The following RFT1 variants were observed in gnomAD, a reference collection of about 807,000 sequenced individuals.
The protein encoded by RFT1 is man(5)GlcNAc(2)-PP-dolichol translocation protein RFT1.
Under a neutral mutation model 62.2 loss-of-function variants are expected in RFT1, and 43 were observed. The observed-to-expected ratio is 0.69, with a 90% confidence interval of 0.54 to 0.89. The LOEUF is 0.89. Among genes scored for constraint, RFT1 ranks in the 40% least tolerant of loss-of-function variants. The probability of loss-of-function intolerance (pLI) is 0.00; values close to 1 mark genes in which losing one functional copy is unlikely to be tolerated. For missense variants in RFT1, 605 were observed against 649.9 expected (o/e 0.93, Z 0.75); for synonymous variants, 262 against 264.6 (o/e 0.99, Z 0.10).
Position 53,126,008 on chromosome 3 carries a change from G to A in RFT1, c.64-14C>T, listed in dbSNP as rs78419624. Reference sequence around the variant, plus strand: ...CCGAAACAACACCTATAGAAAAAGAGGAAAAATACGTAAGAATAAATGACG... The same window carrying A: ...CCGAAACAACACCTATAGAAAAAGAAGAAAAATACGTAAGAATAAATGACG... On this transcript the variant is annotated splice_polypyrimidine_tract_variant and intron_variant, in intron 1 of 12. Coordinates refer to ENST00000296292, the MANE Select transcript of RFT1 (RefSeq NM_052859.4). The A allele has an allele frequency of 2.9e-3, 4,610 of 1,586,688 alleles. 121 individuals carry two copies. The African/African-American group carries it at 0.056, about 19-fold the overall frequency.
At chr3:53,120,539 G>C (rs1276829226) in intron 5 of RFT1, among the ~76,000 whole-genome samples, 2 of 152,212 alleles carry the variant, frequency 1.3e-5, no homozygotes, top group Admixed American at 6.5e-5. Flanking sequence ...ACTACAGATA[G>C]GGGAAGAAAG....
chr3:53,115,109 T>C (rs1701755887), intron 6 of RFT1, among the ~76,000 whole-genome samples: 2 of 152,168 alleles, frequency 1.3e-5, no homozygotes, highest in Non-Finnish European at 1.5e-5. Context: ...ACCTGGACAA[T>C]TGCCACAGGC....
intron 10 of RFT1, 103 bp downstream of exon 10, chr3:53,103,850 A>G (rs1185897894): frequency 4.9e-6 from 7 of 1,432,258 alleles, no homozygotes; most frequent in East Asian, 4.6e-5. Context: ...TTTTCCCTAC[A>G]CTGACACAGA....
chr3:53,072,832 G>A, the RFT1 span, among the ~76,000 whole-genome samples: 23 of 152,350 alleles, frequency 1.5e-4, no homozygotes, highest in South Asian at 1.0e-3. Context: ...ACACAGGAGG[G>A]TCCTGCCCTC....
intron 1 of RFT1, 56 bp from the exon 2 acceptor site, chr3:53,126,050 A>G: frequency 7.4e-7 from 1 of 1,357,316 alleles, no homozygotes; most frequent in African/African-American, 1.4e-5. Context: ...GTGTTTACTT[A>G]GCTGAAATGA....
intron 12 of RFT1, 114 bp from the exon 13 acceptor site, chr3:53,092,184 C>T: frequency 7.1e-7 from 1 of 1,416,194 alleles, no homozygotes; most frequent in Non-Finnish European, 9.8e-7. Context: ...AAAGGCATAA[C>T]AGCCATACTG....
intron 3 of RFT1, among the ~76,000 whole-genome samples, 174 bp from the exon 4 acceptor site, chr3:53,122,737 T>C (rs1319832975): frequency 2.0e-5 from 3 of 152,098 alleles, no homozygotes; most frequent in African/African-American, 4.8e-5. Flanking sequence ...CACTGACACC[T>C]CACAATGATC....
intron 1 of RFT1, 81 bp downstream of exon 1, chr3:53,130,257 G>T: frequency 7.1e-7 from 1 of 1,405,086 alleles, no homozygotes; most frequent in Non-Finnish European, 9.9e-7. Context: ...CGGCCCTGGG[G>T]CAGGCTCTCA....
intron 9 of RFT1, among the ~76,000 whole-genome samples, chr3:53,105,275 G>C (rs1467516534): frequency 6.6e-6 from 1 of 152,246 alleles, no homozygotes; most frequent in African/African-American, 2.4e-5. Context: ...TTAGCTGGGT[G>C]TGGTGGCGCA....
In RFT1 at chr3:53,094,351, G is replaced by GCACA. The variant is rs55637878; in HGVS notation, c.1209-1737_1209-1734dup. Among the ~76,000 whole-genome samples, 121 of 149,914 alleles carry GCACA rather than the reference G, an allele frequency of 8.1e-4. 1 individual carries two copies. Among genetic ancestry groups the GCACA allele is most frequent in the African/African-American group, 2.4e-3 (100 of 40,838 alleles). On this transcript the variant is annotated intron_variant, in intron 11 of 12. Coordinates refer to ENST00000296292, the MANE Select transcript of RFT1 (RefSeq NM_052859.4). ...AAAGTGGGTGGTAAAAATACTACACGCACACACACACACACACACACACAC... is the reference window on the plus strand; with the variant it reads ...AAAGTGGGTGGTAAAAATACTACACGCACACACACACACACACACACACACACAC...
chr3:53,073,361 C>T, the RFT1 span, among the ~76,000 whole-genome samples: 1 of 152,202 alleles, frequency 6.6e-6, no homozygotes, highest in African/African-American at 2.4e-5. Context: ...TCTGGACACC[C>T]CCACCTGTGC....
intron 10 of RFT1, among the ~76,000 whole-genome samples, chr3:53,099,707 C>A (rs1190764713): frequency 1.3e-5 from 2 of 152,202 alleles, no homozygotes; most frequent in Non-Finnish European, 2.9e-5. Context: ...AAATGACAGG[C>A]TGGGCACGGT....
At chr3:53,105,437 A>C (rs1701441118) in intron 9 of RFT1, among the ~76,000 whole-genome samples, 1 of 143,856 alleles carries the variant, frequency 7.0e-6, no homozygotes, top group Admixed American at 6.9e-5. Flanking sequence ...AAAAAGAGTA[A>C]GGTCACAACG....
intron 11 of RFT1, among the ~76,000 whole-genome samples, chr3:53,098,430 G>C (rs1350629305): frequency 1.3e-5 from 2 of 152,116 alleles, no homozygotes; most frequent in African/African-American, 4.8e-5. Flanking sequence ...CCCCATTTGA[G>C]ACACTCCCTC....
At chr3:53,116,603 C>T (rs570029427) in intron 6 of RFT1, among the ~76,000 whole-genome samples, 1 of 150,664 alleles carries the variant, frequency 6.6e-6, no homozygotes, top group Non-Finnish European at 1.5e-5. Flanking sequence ...CTCTTTTTTT[C>T]TTTCTCTTTT....
At chr3:53,078,108 G>A in the RFT1 span, 1 of 152,376 alleles carries the variant, frequency 6.6e-6, no homozygotes, top group Admixed American at 6.5e-5. Context: ...TTCACTCTCA[G>A]GGTTCATCAG....
intron 7 of RFT1, among the ~76,000 whole-genome samples, chr3:53,110,943 C>G (rs1446456626): frequency 6.6e-6 from 1 of 152,074 alleles, no homozygotes; most frequent in Non-Finnish European, 1.5e-5. Context: ...GCTTCCAGCC[C>G]CTTGCTGGCC....
intron 6 of RFT1, among the ~76,000 whole-genome samples, chr3:53,112,397 A>G (rs1049570277): frequency 4.6e-5 from 7 of 152,258 alleles, no homozygotes; most frequent in African/African-American, 1.4e-4. Context: ...TAAACCACTC[A>G]GAATGGGTAT....
intron 8 of RFT1, 131 bp downstream of exon 8, chr3:53,106,688 C>A (rs890891525): frequency 5.2e-6 from 4 of 776,444 alleles, no homozygotes; most frequent in Non-Finnish European, 2.2e-6. Context: ...CAAAGACCTA[C>A]AATTTACAAT....
Sources: allele counts gnomAD v4.1 joint callset (sites outside exome capture counted in the v4.1 genomes callset), GRCh38; gene constraint gnomAD v4.1.1; transcripts MANE v1.5; gene names NCBI Gene and HGNC (gene_info 2026-07-23, HGNC 2026-07-21).